The following RBM27 variants were observed in gnomAD, a reference collection of about 807,000 sequenced individuals.
RBM27 encodes RNA-binding protein 27.
In RBM27, 22 loss-of-function variants were observed where a neutral mutation model predicts 135.3. The observed-to-expected ratio is 0.16, with a 90% confidence interval of 0.12 to 0.23. The LOEUF (loss-of-function observed/expected upper bound fraction) is 0.23. RBM27 is among the 10% of genes least tolerant of loss of function. RBM27 has a pLI of 1.00. For missense variants in RBM27, 1,009 were observed against 1,281.0 expected (o/e 0.79, Z 3.24); for synonymous variants, 481 against 442.4 (o/e 1.09, Z -1.10).
chr5:146,243,185 G>C (rs1757479871), intron 8 of RBM27, among the ~76,000 whole-genome samples: 1 of 152,102 alleles, frequency 6.6e-6, no homozygotes, highest in African/African-American at 2.4e-5. Context: ...AGAATCACTT[G>C]AGCCTGGGAG....
chr5:146,271,755 G>C lies in RBM27; in HGVS notation c.2988+81G>C, dbSNP rs566442873. On this transcript the variant is annotated intron_variant, in intron 19 of 20. Transcript: ENST00000265271. ...CTTGCTGCAGTGTCTATAAATGTCAGATGTTTTATAGATTAGAAAAATTAG... is the reference window on the plus strand; with the variant it reads ...CTTGCTGCAGTGTCTATAAATGTCACATGTTTTATAGATTAGAAAAATTAG... 41 of 1,253,396 alleles carry C rather than the reference G, an allele frequency of 3.3e-5. No individual in the cohort carries two copies. The African/African-American group carries it at 5.0e-4, about 15-fold the overall frequency. The allele number at this position is 1,253,396 out of a possible 1,614,324, so 77.6% of individuals were successfully genotyped here.
chr5:146,215,757 A>AT (rs879581092), intron 1 of RBM27, among the ~76,000 whole-genome samples: 2,254 of 145,392 alleles, frequency 0.016, 46 homozygotes, highest in African/African-American at 0.047. Context: ...GGCATGTGTA[A>AT]TTTTTTTTTT....
chr5:146,227,209 A>G (rs1756719433), intron 3 of RBM27, among the ~76,000 whole-genome samples: 2 of 152,226 alleles, frequency 1.3e-5, no homozygotes, highest in African/African-American at 4.8e-5. Context: ...GCCATGATTT[A>G]TGAAGCACAC....
chr5:146,247,805 T>C (rs1242794901), intron 8 of RBM27, among the ~76,000 whole-genome samples: 2 of 152,236 alleles, frequency 1.3e-5, no homozygotes, highest in African/African-American at 2.4e-5. Context: ...TTCTGTGTTA[T>C]AAATATTGAT....
At position 146,255,101 on chromosome 5, in the gene RBM27, A is replaced by G; in HGVS notation, c.1594+9A>G. 1 of 1,605,176 alleles carries G rather than the reference A, an allele frequency of 6.2e-7. No individual in the cohort carries two copies. The highest frequency in any genetic ancestry group is 2.2e-5 in the East Asian group (1 of 44,724). ...GGATGTAAATCCAAGAGGTGAGAAT[A>G]CCTTGAACTTTTTCTGATGCTAAGT... On this transcript the variant is annotated intron_variant, in intron 10 of 20. Coordinates refer to ENST00000265271, the MANE Select transcript of RBM27 (RefSeq NM_018989.2).
intron 14 of RBM27, among the ~76,000 whole-genome samples, chr5:146,265,176 A>G (rs189514101): frequency 1.3e-5 from 2 of 152,332 alleles, no homozygotes; most frequent in Admixed American, 1.3e-4. Flanking sequence ...TATAATAACA[A>G]AAGACTGGAA....
intron 19 of RBM27, among the ~76,000 whole-genome samples, chr5:146,281,698 C>A (rs777352372): frequency 6.6e-6 from 1 of 152,164 alleles, no homozygotes; most frequent in Non-Finnish European, 1.5e-5. Context: ...TTCTATTTCC[C>A]CTATAAGTAG....
chr5:146,233,414 G>A, intron 6 of RBM27, 36 bp from the exon 7 acceptor site: 1 of 1,497,750 alleles, frequency 6.7e-7, no homozygotes, highest in Non-Finnish European at 8.9e-7. Flanking sequence ...CTAAGTAGAT[G>A]ATAATAAGAT....
chr5:146,270,854 T>A (rs1758830753), intron 17 of RBM27, 100 bp from the exon 18 acceptor site: 1 of 705,934 alleles, frequency 1.4e-6, no homozygotes. Context: ...CTCATTCTCA[T>A]GTTCCAAAAT....
At chr5:146,231,697 A>G (rs1382988414) in intron 6 of RBM27, among the ~76,000 whole-genome samples, 1 of 151,984 alleles carries the variant, frequency 6.6e-6, no homozygotes, top group Non-Finnish European at 1.5e-5. Context: ...GGCTCACTGC[A>G]GCCTCTGACT....
At chr5:146,256,937 A>G (rs1758129767) in intron 10 of RBM27, among the ~76,000 whole-genome samples, 1 of 152,228 alleles carries the variant, frequency 6.6e-6, no homozygotes. Context: ...GCTGGTAATG[A>G]TAAAAACTAT....
Position 146,237,322 on chromosome 5 carries a change from T to C in RBM27, c.1169T>C (p.Leu390Ser). The change falls in exon 8 of 21, where the codon TTG becomes TCG. Residue 390 changes from leucine (L) to serine (S), a missense_variant. By Grantham distance (145) the Leu-to-Ser change is moderately radical. Transcript: ENST00000265271. ...IPRPPITQSS[L>S]INSRDQPGTS... Reference sequence around the variant, plus strand: ...GGACCACCTATAACACAATCAAGCTTGATAAACAGCCGTGACCAGCCTGGG... The same window carrying C: ...GGACCACCTATAACACAATCAAGCTCGATAAACAGCCGTGACCAGCCTGGG... The C allele has an allele frequency of 6.2e-7, 1 of 1,614,190 alleles. No homozygotes were observed. The highest frequency in any genetic ancestry group is 8.5e-7 in the Non-Finnish European group (1 of 1,180,040).
chr5:146,276,129 G>A (rs1051552025), intron 19 of RBM27, among the ~76,000 whole-genome samples: 2 of 151,418 alleles, frequency 1.3e-5, no homozygotes, highest in Admixed American at 1.3e-4. Context: ...TAAATTGTAA[G>A]CATTATATAT....
At chr5:146,228,286 T>C (rs1054676775) in intron 3 of RBM27, among the ~76,000 whole-genome samples, 59 of 148,466 alleles carry the variant, frequency 4.0e-4, no homozygotes, top group South Asian at 1.7e-3. Flanking sequence ...TTCTTTCTTT[T>C]TTTTTTTTTT....
intron 10 of RBM27, among the ~76,000 whole-genome samples, chr5:146,255,468 C>T (rs1469781577): frequency 6.6e-6 from 1 of 152,126 alleles, no homozygotes; most frequent in African/African-American, 2.4e-5. Context: ...TGCTTTGTAT[C>T]CTAAGAGCTA....
At position 146,228,934 on chromosome 5, in the gene RBM27, A is replaced by G; in HGVS notation, c.304-12A>G. On this transcript the variant is annotated splice_polypyrimidine_tract_variant and intron_variant, in intron 3 of 20. Coordinates refer to ENST00000265271, the MANE Select transcript of RBM27 (RefSeq NM_018989.2). ...GGCCCTGCTCTTACTTCTACTCAAT[A>G]TTTTCATATAGGTATTTCAGGAGCC... The G allele has an allele frequency of 6.2e-7, 1 of 1,610,330 alleles. No homozygotes were observed. Among genetic ancestry groups the G allele is most frequent in the Non-Finnish European group, 8.5e-7 (1 of 1,177,182 alleles).
chr5:146,228,278 C>CT lies in RBM27; in HGVS notation c.304-665dup, dbSNP rs201464624. Among the ~76,000 whole-genome samples, 1,149 of 116,720 alleles carry CT rather than the reference C, an allele frequency of 9.8e-3. 38 individuals carry two copies. Among genetic ancestry groups the CT allele is most frequent in the African/African-American group, 0.023 (669 of 28,532 alleles). 76.6% of individuals were successfully genotyped at this position (116,720 alleles called of 152,430 possible). A position where few individuals can be genotyped will look rare whatever the true frequency, so the allele number is the denominator to read the frequency against. On this transcript the variant is annotated intron_variant, in intron 3 of 20. Transcript: ENST00000265271. ...TTTCATAATTTATAGAGGGACCATT[C>CT]TTTCTTTTTTTTTTTTTTTTTTTTG...
At chr5:146,279,986 T>G (rs1472048714) in intron 19 of RBM27, among the ~76,000 whole-genome samples, 1 of 152,060 alleles carries the variant, frequency 6.6e-6, no homozygotes, top group African/African-American at 2.4e-5. Flanking sequence ...GTGATCGTAT[T>G]ATACATACAG....
chr5:146,248,409 A>G (rs1312264684), intron 8 of RBM27, among the ~76,000 whole-genome samples: 2 of 152,094 alleles, frequency 1.3e-5, no homozygotes, highest in African/African-American at 4.8e-5. Context: ...TTAGAGACTC[A>G]GTAGGAATTG....
Sources: allele counts gnomAD v4.1 joint callset (sites outside exome capture counted in the v4.1 genomes callset), GRCh38; gene constraint gnomAD v4.1.1; transcripts MANE v1.5; gene names NCBI Gene and HGNC (gene_info 2026-07-23, HGNC 2026-07-21).